DOCK9: variants seen among roughly 807,000 people sequenced by gnomAD.
DOCK9 encodes the protein dedicator of cytokinesis protein 9.
A neutral mutation model predicts 263.3 loss-of-function variants in DOCK9; 89 were observed. The observed-to-expected ratio is 0.34, with a 90% CI of 0.28 to 0.40. DOCK9 has a LOEUF of 0.40. Ranked by LOEUF, DOCK9 falls within the 10% of genes least tolerant of loss-of-function variation. The pLI is 1.00. For missense variants in DOCK9, 2,140 were observed against 2,603.4 expected (o/e 0.82, Z 3.87); for synonymous variants, 976 against 973.1 (o/e 1.00, Z -0.06).
chr13:98,865,679 C>T (rs1374271030), intron 30 of DOCK9, among the ~76,000 whole-genome samples: 1 of 152,112 alleles, frequency 6.6e-6, no homozygotes, highest in Non-Finnish European at 1.5e-5. Flanking sequence ...AAAAAGAGCT[C>T]CCTGGGCTCT....
At chr13:98,845,142 G>T (rs928020701) in intron 38 of DOCK9, among the ~76,000 whole-genome samples, 9 of 152,286 alleles carry the variant, frequency 5.9e-5, no homozygotes, top group African/African-American at 2.2e-4. Context: ...ACTAGAAACA[G>T]CACACAATGC....
upstream of DOCK9, among the ~76,000 whole-genome samples, chr13:98,979,180 ATAG>A (rs56125832): frequency 0.083 from 10,977 of 132,676 alleles, 857 homozygotes; most frequent in African/African-American, 0.2. Flanking sequence ...AGCAGCAGCA[ATAG>A]TAGTAGTAGT....
chr13:98,876,001 T>A (rs2043780917), intron 27 of DOCK9, among the ~76,000 whole-genome samples: 1 of 152,116 alleles, frequency 6.6e-6, no homozygotes, highest in Non-Finnish European at 1.5e-5. Context: ...AAATATGCAT[T>A]GAATGGACTC....
chr13:99,008,718 T>C (rs1292288973), intron 1 of DOCK9, among the ~76,000 whole-genome samples: 1 of 152,242 alleles, frequency 6.6e-6, no homozygotes, highest in East Asian at 1.9e-4. Context: ...GGTGCCAGTA[T>C]GGTCAGGGCC....
chr13:98,879,840 G>A, intron 27 of DOCK9, 58 bp downstream of exon 27: 1 of 1,425,304 alleles, frequency 7.0e-7, no homozygotes, highest in Non-Finnish European at 9.7e-7. Context: ...TCACTACAAA[G>A]CAATGAAAGA....
At chr13:98,918,039 A>T (rs951560769) in intron 7 of DOCK9, among the ~76,000 whole-genome samples, 1 of 152,204 alleles carries the variant, frequency 6.6e-6, no homozygotes, top group African/African-American at 2.4e-5. Flanking sequence ...ACTGCTGACC[A>T]TAAGGAAGAA....
chr13:98,869,197 CT>C (rs2094127263), intron 27 of DOCK9, among the ~76,000 whole-genome samples: 1 of 152,252 alleles, frequency 6.6e-6, no homozygotes, highest in Admixed American at 6.5e-5. Flanking sequence ...ACACAGTAAT[CT>C]TTCCCCAACA....
chr13:99,069,867 T>C (rs2041593168), intron 1 of DOCK9, among the ~76,000 whole-genome samples: 1 of 152,228 alleles, frequency 6.6e-6, no homozygotes, highest in Non-Finnish European at 1.5e-5. Flanking sequence ...ATCTCTGCCA[T>C]CTTGCCAGGA....
rs571527374 is a variant in DOCK9, at chr13:99,040,911, G to T, written c.129+45312C>A. On this transcript the variant is annotated intron_variant, in intron 1 of 32. Transcript: ENST00000427887. ...AAGCAAACAAAATGAAAACTGGTTT[G>T]GCAGCCTACATAAATATTTGAAGAG... Among the ~76,000 whole-genome samples the T allele has an allele frequency of 4.0e-4, 61 of 152,254 alleles. 1 individual carries two copies. The South Asian group carries it at 0.011, about 27-fold the overall frequency.
At chr13:98,989,509 G>T (rs374842972) in intron 1 of DOCK9, among the ~76,000 whole-genome samples, 10 of 152,074 alleles carry the variant, frequency 6.6e-5, no homozygotes, top group African/African-American at 2.4e-4. Context: ...CCATGTTTCG[G>T]AATCACTGAT....
At chr13:98,986,051 C>T (rs1052245486) in intron 1 of DOCK9, among the ~76,000 whole-genome samples, 1 of 152,190 alleles carries the variant, frequency 6.6e-6, no homozygotes, top group African/African-American at 2.4e-5. Flanking sequence ...TTTTAAAAAG[C>T]GCTCAAGTTT....
chr13:99,063,127 G>T (rs918260929), intron 1 of DOCK9, among the ~76,000 whole-genome samples: 2 of 152,178 alleles, frequency 1.3e-5, no homozygotes, highest in African/African-American at 4.8e-5. Context: ...TATTAGAGAA[G>T]GATTTAAGAA....
At chr13:98,803,574 C>T (rs9557074) in intron 49 of DOCK9, among the ~76,000 whole-genome samples, 53,872 of 151,938 alleles carry the variant, frequency 0.35, 11,307 homozygotes, top group East Asian at 0.62. Flanking sequence ...GCTGCTGGTC[C>T]TGGACCAACC....
At chr13:98,925,422 ACT>A (rs1045223754) in intron 4 of DOCK9, among the ~76,000 whole-genome samples, 2 of 152,150 alleles carry the variant, frequency 1.3e-5, no homozygotes, top group Non-Finnish European at 2.9e-5. Context: ...TTCTTGATTT[ACT>A]TTTTTTAAAA....
At position 98,903,089 on chromosome 13, in the gene DOCK9, C is replaced by T. The variant is rs1477529591; in HGVS notation, c.1059G>A (p.Glu353=). ...TCTCTTCAAATGACTTCACTTCTGGCTCAGCTGATGAGAAGTCAAGCTTCT... is the reference window on the plus strand; with the variant it reads ...TCTCTTCAAATGACTTCACTTCTGGTTCAGCTGATGAGAAGTCAAGCTTCT... ...DAQKLDFSSA[E]PEVKSFEEKF... is the part of the protein sequence containing the mutation. Residue 353 remains glutamate, a synonymous_variant, in exon 11 of 53, where the codon GAG becomes GAA. Transcript: ENST00000682017. 2 of 1,521,636 alleles carry T rather than the reference C, an allele frequency of 1.3e-6. No homozygotes were observed. Among genetic ancestry groups the T allele is most frequent in the African/African-American group, 1.4e-5 (1 of 70,896 alleles). 94.3% of individuals were successfully genotyped at this position (1,521,636 alleles called of 1,614,324 possible).
At chr13:98,906,665 A>T (rs1448047066) in intron 9 of DOCK9, among the ~76,000 whole-genome samples, 1 of 152,206 alleles carries the variant, frequency 6.6e-6, no homozygotes, top group East Asian at 1.9e-4. Context: ...GTCTCTTATT[A>T]CATTTCTAAT....
chr13:99,078,607 G>C (rs779869989), intron 1 of DOCK9, among the ~76,000 whole-genome samples: 1 of 152,094 alleles, frequency 6.6e-6, no homozygotes, highest in Non-Finnish European at 1.5e-5. Context: ...CCCAGGCCAG[G>C]GAATAGCCAA....
intron 9 of DOCK9, among the ~76,000 whole-genome samples, chr13:98,911,591 C>T (rs150926965): frequency 6.6e-6 from 1 of 151,986 alleles, no homozygotes; most frequent in African/African-American, 2.4e-5. Flanking sequence ...TTATGTAATT[C>T]ACTTTAAAAA....
intron 2 of DOCK9, among the ~76,000 whole-genome samples, chr13:98,931,310 T>TATTTA (rs1375831798): frequency 5.3e-5 from 8 of 151,966 alleles, no homozygotes; most frequent in African/African-American, 1.9e-4. Flanking sequence ...TATTTTATTT[T>TATTTA]ATTTTTTGAG....
Sources: allele counts gnomAD v4.1 joint callset (sites outside exome capture counted in the v4.1 genomes callset), GRCh38; gene constraint gnomAD v4.1.1; transcripts MANE v1.5; gene names NCBI Gene and HGNC (gene_info 2026-07-23, HGNC 2026-07-21).